Variants in DISC1 observed in about 807,000 individuals in gnomAD.
DISC1 encodes the protein disrupted in schizophrenia 1 protein.
DISC1 carries 57 observed loss-of-function variants against 84.5 expected under a neutral mutation model. The observed-to-expected ratio is 0.67, with a 90% confidence interval of 0.55 to 0.84. The LOEUF (loss-of-function observed/expected upper bound fraction) is 0.84, where lower values mean the gene tolerates loss of function less well. Among genes scored for constraint, DISC1 ranks in the 40% least tolerant of loss-of-function variants. The probability of loss-of-function intolerance (pLI) is 0.00; values close to 1 mark genes in which losing one functional copy is unlikely to be tolerated. For missense variants in DISC1, 1,000 were observed against 1,057.8 expected (o/e 0.95, Z 0.76); for synonymous variants, 411 against 415.2 (o/e 0.99, Z 0.12).
In DISC1 at chr1:232,031,515, GAAAGA is replaced by G. The variant is rs1558854888; in HGVS notation, c.2425+4968_2425+4972del. On this transcript the variant is annotated intron_variant, in intron 12 of 12. Coordinates refer to ENST00000439617, the MANE Select transcript of DISC1 (RefSeq NM_018662.3). This position sits in a 1 kb window ranked among gnomAD's most constrained non-coding sequence, Gnocchi z 4.6. ...AAGAAAGAAAGGAAAGGAAAGGAAA[GAAAGA>G]AAAGGAAAGGAAAGAAAGAAAACCC... Among the ~76,000 whole-genome samples, 1 of 150,936 alleles carries G rather than the reference GAAAGA, an allele frequency of 6.6e-6. No homozygotes were observed. The highest frequency in any genetic ancestry group is 2.4e-5 in the African/African-American group (1 of 41,052).
chr1:231,817,473 A>G (rs956964085), intron 8 of DISC1, among the ~76,000 whole-genome samples: 5 of 152,202 alleles, frequency 3.3e-5, no homozygotes, highest in African/African-American at 1.2e-4. Context: ...CAATGAATCA[A>G]TGTGGGGAAA....
intron 8 of DISC1, among the ~76,000 whole-genome samples, chr1:231,808,938 G>A (rs545367034): frequency 5.3e-5 from 8 of 152,294 alleles, no homozygotes; most frequent in South Asian, 2.1e-4. Context: ...ACAGAGAGTC[G>A]GGAGGGCAGT....
intron 2 of DISC1, among the ~76,000 whole-genome samples, chr1:231,697,619 T>C (rs2065887419): frequency 6.7e-6 from 1 of 149,972 alleles, no homozygotes. Flanking sequence ...TTTTTTTTTT[T>C]TTTTTTTTGG....
At chr1:231,878,540 AC>A (rs66892462) in intron 9 of DISC1, among the ~76,000 whole-genome samples, 1,972 of 152,268 alleles carry the variant, frequency 0.013, 42 homozygotes, top group African/African-American at 0.045. Flanking sequence ...ACAGGCAGGA[AC>A]CAGACTAAGC....
chr1:231,714,666 A>G (rs1427207392), intron 3 of DISC1, among the ~76,000 whole-genome samples: 1 of 151,562 alleles, frequency 6.6e-6, no homozygotes, highest in African/African-American at 2.4e-5. Context: ...AGACAAGGAG[A>G]GACAGGCAGA....
At chr1:231,695,626 CGT>C (rs74987968) in intron 2 of DISC1, among the ~76,000 whole-genome samples, 46,489 of 150,706 alleles carry the variant, frequency 0.31, 7,176 homozygotes, top group Admixed American at 0.33. Context: ...CCTGTGTGTG[CGT>C]GTGTGTGTGT....
intron 9 of DISC1, among the ~76,000 whole-genome samples, chr1:231,829,780 G>A (rs2082102180): frequency 6.6e-6 from 1 of 152,020 alleles, no homozygotes; most frequent in Admixed American, 6.6e-5. Context: ...GTCAGCGAAG[G>A]GAGATAGGGG....
At chr1:231,879,670 G>C (rs1390772070) in intron 9 of DISC1, among the ~76,000 whole-genome samples, 1 of 151,802 alleles carries the variant, frequency 6.6e-6, no homozygotes, top group Non-Finnish European at 1.5e-5. Context: ...GGAATGTTTT[G>C]GGTGGGGGGC....
chr1:231,660,661 G>A (rs6658699), intron 1 of DISC1, among the ~76,000 whole-genome samples: 44,732 of 151,804 alleles, frequency 0.29, 7,726 homozygotes, highest in East Asian at 0.59. Flanking sequence ...CACCATGTTG[G>A]CCAGGCTGGT....
rs372355962 is a variant in DISC1 at position 231,693,894 on chromosome 1, A to G, written c.136A>G (p.Met46Val). The G allele has an allele frequency of 2.5e-6, 4 of 1,614,146 alleles. No homozygotes were observed. The highest frequency in any genetic ancestry group is 2.2e-5 in the East Asian group (1 of 44,878). Reference sequence around the variant, plus strand: ...GCGGCTGGCACGGAGGCCGGGCTACATGAGAAGCTCGACAGGGCCTGGGAT... The same window carrying G: ...GCGGCTGGCACGGAGGCCGGGCTACGTGAGAAGCTCGACAGGGCCTGGGAT... ...RRRLARRPGY[M>V]RSSTGPGIGF... Residue 46 changes from methionine (M) to valine (V), a missense_variant, in exon 2 of 13, where the codon ATG becomes GTG. Transcript: ENST00000439617.
At chr1:231,814,950 A>G (rs1005594687) in intron 8 of DISC1, 1 of 144,716 alleles carries the variant, frequency 6.9e-6, no homozygotes, top group Non-Finnish European at 1.5e-5. Context: ...TAATAATAAT[A>G]ATAATAATAA....
At chr1:231,904,306 TTTCTGTCCCC>T (rs1180358843) in intron 9 of DISC1, among the ~76,000 whole-genome samples, 2 of 152,214 alleles carry the variant, frequency 1.3e-5, no homozygotes, top group Non-Finnish European at 2.9e-5. Context: ...CTCTTCCTTT[TTTCTGTCCCC>T]TCCCTTCTCT....
chr1:231,798,467 A>C (rs547404698), intron 7 of DISC1, among the ~76,000 whole-genome samples: 1 of 152,198 alleles, frequency 6.6e-6, no homozygotes, highest in Non-Finnish European at 1.5e-5. Context: ...GATACTGTTC[A>C]CTAAAATCAG....
rs118080355 is a variant in DISC1 at position 231,768,072 on chromosome 1, C to T, written c.1398+803C>T. The stretch of plus-strand genomic sequence containing the variant: ...AGGATGCAAGTTGGCTAAGAATCAT[C>T]GAGGGGCTACAAATCTGGGTGCAGC... On this transcript the variant is annotated intron_variant, in intron 5 of 12. Coordinates refer to ENST00000439617, the MANE Select transcript of DISC1 (RefSeq NM_018662.3). Among the ~76,000 whole-genome samples the T allele has an allele frequency of 1.2e-3, 184 of 152,218 alleles. 6 individuals are homozygous for T. In the East Asian group the frequency reaches 0.027, roughly 23 times the overall value.
chr1:231,832,537 G>A (rs61835446), intron 9 of DISC1, among the ~76,000 whole-genome samples: 94,137 of 150,494 alleles, frequency 0.63, 29,716 homozygotes, highest in Middle Eastern at 0.65. Flanking sequence ...GATGAAATTT[G>A]GACTTGACTG....
intron 1 of DISC1, among the ~76,000 whole-genome samples, chr1:231,659,979 C>A (rs2061437980): frequency 6.6e-6 from 1 of 152,148 alleles, no homozygotes; most frequent in Non-Finnish European, 1.5e-5. Context: ...CTGTAGATAT[C>A]TATCAGATCC....
At chr1:231,652,148 A>G (rs966772659) in intron 1 of DISC1, among the ~76,000 whole-genome samples, 11 of 152,204 alleles carry the variant, frequency 7.2e-5, no homozygotes, top group Non-Finnish European at 1.5e-4. Context: ...TTGGAAATGC[A>G]GAAATCACCA....
At chr1:231,997,852 G>A (rs975697879) in intron 10 of DISC1, among the ~76,000 whole-genome samples, 3 of 152,168 alleles carry the variant, frequency 2.0e-5, no homozygotes, top group African/African-American at 7.2e-5. Context: ...ACCAGCCTAA[G>A]TAGTAAATAT....
At chr1:231,671,302 T>C (rs2062595969) in intron 1 of DISC1, among the ~76,000 whole-genome samples, 1 of 152,280 alleles carries the variant, frequency 6.6e-6, no homozygotes, top group South Asian at 2.1e-4. Context: ...CATTATTTTT[T>C]TTTTACCTTT....
Sources: gnomAD v4.1 joint callset for allele counts (sites outside exome capture counted in the v4.1 genomes callset) on GRCh38, gnomAD v4.1.1 for gene constraint, Gnocchi (gnomAD v3.1) non-coding constraint, MANE v1.5 for transcripts, NCBI Gene and HGNC (gene_info 2026-07-23, HGNC 2026-07-21) for gene names.